The following PHF24 variants were observed in gnomAD, a reference collection of about 807,000 sequenced individuals.
The protein encoded by PHF24 is Galpha inhibitory interacting protein.
In PHF24, 25 loss-of-function variants were observed where a neutral mutation model predicts 42.6. That is an observed-to-expected ratio of 0.59 (90% CI 0.43 to 0.82). PHF24 has a LOEUF of 0.82. Ranked by LOEUF, PHF24 falls within the 40% of genes least tolerant of loss-of-function variation. PHF24 has a pLI of 0.00. For missense variants in PHF24, 470 were observed against 538.1 expected (o/e 0.87, Z 1.25); for synonymous variants, 185 against 204.8 (o/e 0.90, Z 0.83).
At chr9:34,895,029 G>A in the PHF24 span, 1 of 398,300 alleles carries the variant, frequency 2.5e-6, no homozygotes, top group Admixed American at 4.4e-5. Flanking sequence ...AGGAGAGACT[G>A]GGACTTTACC....
At chr9:34,780,864 A>G in the PHF24 span, among the ~76,000 whole-genome samples, 1 of 152,218 alleles carries the variant, frequency 6.6e-6, no homozygotes, top group Non-Finnish European at 1.5e-5. Flanking sequence ...GATGCTCAAC[A>G]TCATCATTAG....
At chr9:34,966,361 G>T (rs1826767395) in intron 1 of PHF24, among the ~76,000 whole-genome samples, 1 of 152,042 alleles carries the variant, frequency 6.6e-6, no homozygotes, top group Admixed American at 6.5e-5. Context: ...CTGAGGCAGG[G>T]AATCACATGA....
chr9:34,713,315 G>A, the PHF24 span, among the ~76,000 whole-genome samples: 1 of 152,282 alleles, frequency 6.6e-6, no homozygotes, highest in East Asian at 1.9e-4. Context: ...GTCCCTTAGG[G>A]AACCAGAAGA....
At chr9:34,871,881 T>C in the PHF24 span, among the ~76,000 whole-genome samples, 11,431 of 152,230 alleles carry the variant, frequency 0.075, 682 homozygotes, top group African/African-American at 0.16. Flanking sequence ...TACCTCTCCA[T>C]CTAAACTTTA....
At chr9:34,857,877 G>A in the PHF24 span, among the ~76,000 whole-genome samples, 1 of 151,322 alleles carries the variant, frequency 6.6e-6, no homozygotes, top group Non-Finnish European at 1.5e-5. Flanking sequence ...TTTAGTGTCA[G>A]AATTTCCATT....
At chr9:34,671,945 C>G in the PHF24 span, among the ~76,000 whole-genome samples, 1 of 152,036 alleles carries the variant, frequency 6.6e-6, no homozygotes, top group Non-Finnish European at 1.5e-5. Context: ...TCATTGTGAC[C>G]TGTTCATCTG....
the PHF24 span, among the ~76,000 whole-genome samples, chr9:34,710,359 G>A: frequency 6.6e-6 from 1 of 151,936 alleles, no homozygotes; most frequent in Admixed American, 6.6e-5. Flanking sequence ...TTTCATGCAG[G>A]CCTCACTGCC....
the PHF24 span, among the ~76,000 whole-genome samples, chr9:34,695,140 G>T: frequency 6.6e-6 from 1 of 152,196 alleles, no homozygotes; most frequent in Admixed American, 6.5e-5. Flanking sequence ...TAGTGGTGGG[G>T]AGTCCCACCC....
At chr9:34,730,374 C>T in the PHF24 span, among the ~76,000 whole-genome samples, 2 of 151,468 alleles carry the variant, frequency 1.3e-5, no homozygotes, top group African/African-American at 4.8e-5. Flanking sequence ...CCTCAGTATT[C>T]CTGAATTTCC....
the PHF24 span, among the ~76,000 whole-genome samples, chr9:34,763,108 G>A: frequency 2.6e-5 from 4 of 152,200 alleles, no homozygotes; most frequent in Admixed American, 6.5e-5. Flanking sequence ...TAGCCTTGTA[G>A]TATAGTTTGA....
chr9:34,732,025 ATTTT>A, the PHF24 span, among the ~76,000 whole-genome samples: 3 of 134,498 alleles, frequency 2.2e-5, no homozygotes, highest in Non-Finnish European at 1.6e-5. Context: ...TAATTTTTGG[ATTTT>A]TTTTTTTTTT....
At chr9:34,841,574 T>C in the PHF24 span, among the ~76,000 whole-genome samples, 1 of 152,180 alleles carries the variant, frequency 6.6e-6, no homozygotes, top group African/African-American at 2.4e-5. Flanking sequence ...GTGAACAATT[T>C]AGGCTGGGCA....
At chr9:34,922,888 G>C in the PHF24 span, 1 of 1,564,340 alleles carries the variant, frequency 6.4e-7, no homozygotes, top group Middle Eastern at 1.7e-4. Context: ...TGCTCGGCCA[G>C]TTTGGCCTTC....
the PHF24 span, among the ~76,000 whole-genome samples, chr9:34,702,354 G>GCGCAGGGGATA: frequency 6.6e-5 from 10 of 152,328 alleles, no homozygotes; most frequent in South Asian, 2.1e-3. Flanking sequence ...GGCTCACACA[G>GCGCAGGGGATA]CGCAGGGGAT....
At chr9:34,796,681 GCGCAACTGGAT>G in the PHF24 span, among the ~76,000 whole-genome samples, 3 of 152,208 alleles carry the variant, frequency 2.0e-5, no homozygotes, top group Admixed American at 1.3e-4. Flanking sequence ...CAAGAAAGCA[GCGCAACTGGAT>G]CTCTCATACA....
upstream of PHF24, among the ~76,000 whole-genome samples, chr9:34,955,345 A>G (rs568851776): frequency 6.6e-6 from 1 of 151,066 alleles, no homozygotes; most frequent in South Asian, 2.1e-4. Flanking sequence ...AAGAAAGTTG[A>G]AAACAGTCCC....
the PHF24 span, among the ~76,000 whole-genome samples, chr9:34,758,158 C>T: frequency 6.6e-6 from 1 of 152,196 alleles, no homozygotes; most frequent in South Asian, 2.1e-4. The surrounding 1 kb of genome is among the most constrained non-coding windows in gnomAD (Gnocchi z 4.4). Context: ...CAAGGCTGCT[C>T]AGCTGGCCTG....
chr9:34,963,342 C>T (rs560549579), intron 1 of PHF24, among the ~76,000 whole-genome samples: 11 of 147,662 alleles, frequency 7.4e-5, no homozygotes, highest in East Asian at 2.0e-4. Flanking sequence ...ATGCATTCAG[C>T]GTTTGTTTTG....
chr9:34,873,132 A>C, the PHF24 span, among the ~76,000 whole-genome samples: 1 of 150,652 alleles, frequency 6.6e-6, no homozygotes, highest in Non-Finnish European at 1.5e-5. Context: ...AGGTTGTGAA[A>C]ATTTTCTCCC....
Sources: allele counts gnomAD v4.1 joint callset (sites outside exome capture counted in the v4.1 genomes callset), GRCh38; gene constraint gnomAD v4.1.1; non-coding constraint Gnocchi (gnomAD v3.1); transcripts MANE v1.5; gene names NCBI Gene and HGNC (gene_info 2026-07-23, HGNC 2026-07-21).